The following PTPRD variants were observed in gnomAD, a reference collection of about 807,000 sequenced individuals.
The protein encoded by PTPRD is protein tyrosine phosphatase receptor type D, also known as receptor-type tyrosine-protein phosphatase delta.
A neutral mutation model predicts 214.5 loss-of-function variants in PTPRD; 34 were observed. That is an observed-to-expected ratio of 0.16 (90% CI 0.12 to 0.21). The LOEUF (loss-of-function observed/expected upper bound fraction) is 0.21, where lower values mean the gene tolerates loss of function less well. Ranked by LOEUF, PTPRD falls within the 10% of genes least tolerant of loss-of-function variation. PTPRD has a pLI of 1.00. For synonymous variants in PTPRD, 1,128 were observed against 845.7 expected (o/e 1.33, Z -5.79); for missense variants, 2,545 against 2,398.7 (o/e 1.06, Z -1.27).
chr9:8,928,844 G>A (rs2098923596), intron 11 of PTPRD, among the ~76,000 whole-genome samples: 1 of 152,050 alleles, frequency 6.6e-6, no homozygotes, highest in Admixed American at 6.6e-5. Context: ...TTTTCCATTT[G>A]TTTGTGTCCT....
At chr9:8,825,177 G>C (rs1052431250) in intron 11 of PTPRD, among the ~76,000 whole-genome samples, 1 of 152,130 alleles carries the variant, frequency 6.6e-6, no homozygotes, top group Non-Finnish European at 1.5e-5. Context: ...GTTAGAAAGT[G>C]ATATTTTTTA....
intron 2 of PTPRD, among the ~76,000 whole-genome samples, chr9:10,411,540 T>C (rs766520753): frequency 3.3e-5 from 5 of 151,794 alleles, no homozygotes; most frequent in Non-Finnish European, 7.4e-5. Context: ...GTCTTAAACT[T>C]GGCAGATTCA....
intron 18 of PTPRD, among the ~76,000 whole-genome samples, chr9:8,524,465 T>C (rs1269276026): frequency 1.3e-5 from 2 of 152,200 alleles, no homozygotes; most frequent in Non-Finnish European, 2.9e-5. Flanking sequence ...TTAGCAGCTT[T>C]ATCCTTACAG....
At chr9:9,045,214 G>A (rs915745421) in intron 10 of PTPRD, among the ~76,000 whole-genome samples, 5 of 152,148 alleles carry the variant, frequency 3.3e-5, no homozygotes, top group Non-Finnish European at 5.9e-5. Context: ...GGAAGGTGAC[G>A]TTATGAATGC....
At chr9:9,525,449 A>T (rs995442750) in intron 8 of PTPRD, among the ~76,000 whole-genome samples, 4 of 152,346 alleles carry the variant, frequency 2.6e-5, no homozygotes, top group African/African-American at 9.6e-5. Context: ...AATTAAAAAA[A>T]TACAGCTTCC....
intron 3 of PTPRD, among the ~76,000 whole-genome samples, chr9:10,231,846 T>A (rs1297916475): frequency 1.3e-5 from 2 of 151,822 alleles, no homozygotes; most frequent in East Asian, 3.9e-4. Flanking sequence ...TGGAGGTATT[T>A]GGCAGCACCC....
At chr9:8,346,912 T>C (rs1330195636) in intron 39 of PTPRD, among the ~76,000 whole-genome samples, 1 of 152,090 alleles carries the variant, frequency 6.6e-6, no homozygotes, top group Non-Finnish European at 1.5e-5. Context: ...CTGTTGCACC[T>C]CAAACTGCAA....
chr9:9,803,856 A>C (rs2099056973), intron 5 of PTPRD: 2 of 152,036 alleles, frequency 1.3e-5, no homozygotes, highest in African/African-American at 4.8e-5. Flanking sequence ...GAAATATCAG[A>C]AAGATCCTGA....
intron 14 of PTPRD, among the ~76,000 whole-genome samples, chr9:8,548,515 G>A (rs562299626): frequency 9.4e-4 from 142 of 151,618 alleles, no homozygotes; most frequent in African/African-American, 3.2e-3. Context: ...CTACAGGCAC[G>A]CACCACCAAA....
chr9:9,662,332 T>C (rs2096637342), intron 7 of PTPRD, among the ~76,000 whole-genome samples: 1 of 151,672 alleles, frequency 6.6e-6, no homozygotes, highest in Non-Finnish European at 1.5e-5. Context: ...CCTTAGGTAG[T>C]TAACTTGGAA....
At chr9:9,297,090 C>T (rs2134440030) in intron 9 of PTPRD, among the ~76,000 whole-genome samples, 1 of 151,770 alleles carries the variant, frequency 6.6e-6, no homozygotes, top group East Asian at 1.9e-4. Flanking sequence ...CTACTTCTGG[C>T]TTCAGACTGT....
At chr9:8,430,076 G>C (rs1233560601) in intron 35 of PTPRD, among the ~76,000 whole-genome samples, 1 of 152,034 alleles carries the variant, frequency 6.6e-6, no homozygotes, top group African/African-American at 2.4e-5. Context: ...ACTTAAAAAG[G>C]GGTTATTATC....
chr9:9,047,553 T>C (rs1032563711), intron 10 of PTPRD, among the ~76,000 whole-genome samples: 1 of 152,058 alleles, frequency 6.6e-6, no homozygotes, highest in South Asian at 2.1e-4. Flanking sequence ...AACAGACACA[T>C]AGACCAATGC....
chr9:9,691,674 A>G (rs1011100758), intron 7 of PTPRD, among the ~76,000 whole-genome samples: 3 of 151,988 alleles, frequency 2.0e-5, no homozygotes, highest in Non-Finnish European at 4.4e-5. Context: ...TGACAGCTAT[A>G]TTTTTAGTTT....
chr9:10,078,561 C>A (rs2098176634), intron 3 of PTPRD, among the ~76,000 whole-genome samples: 1 of 148,256 alleles, frequency 6.7e-6, no homozygotes. Context: ...CCATATAATC[C>A]TATGTAGCCC....
chr9:9,057,620 T>C (rs1179783039), intron 10 of PTPRD, among the ~76,000 whole-genome samples: 3 of 152,122 alleles, frequency 2.0e-5, no homozygotes, highest in Admixed American at 2.0e-4. Context: ...CATGTTACCG[T>C]AATAATTTCT....
intron 9 of PTPRD, among the ~76,000 whole-genome samples, chr9:9,390,172 G>C (rs2065302949): frequency 1.3e-5 from 2 of 152,140 alleles, no homozygotes; most frequent in African/African-American, 2.4e-5. Flanking sequence ...CAGCGGGGAA[G>C]CCGGATTATC....
intron 11 of PTPRD, among the ~76,000 whole-genome samples, chr9:8,735,465 G>A (rs975216430): frequency 3.3e-5 from 5 of 152,098 alleles, no homozygotes; most frequent in Admixed American, 3.3e-4. Flanking sequence ...TAGGATTACA[G>A]GACTGGGTCA....
intron 4 of PTPRD, among the ~76,000 whole-genome samples, chr9:9,998,818 T>C (rs1253873248): frequency 6.6e-6 from 1 of 152,210 alleles, no homozygotes. Flanking sequence ...ACATTTTTAC[T>C]GACTCCAAGT....
Sources: allele counts gnomAD v4.1 joint callset (sites outside exome capture counted in the v4.1 genomes callset), GRCh38; gene constraint gnomAD v4.1.1; transcripts MANE v1.5; gene names NCBI Gene and HGNC (gene_info 2026-07-23, HGNC 2026-07-21).